EVC: variants seen among roughly 807,000 people sequenced by gnomAD.
EVC encodes the protein EvC ciliary complex subunit 1, also known as evC complex member EVC.
Under a neutral mutation model 118.9 loss-of-function variants are expected in EVC, and 116 were observed. The ratio of observed to expected loss-of-function variants is 0.98; its 90% CI spans 0.84 to 1.14. EVC has a LOEUF of 1.14. Among genes scored for constraint, EVC ranks in the 50% most tolerant of loss-of-function variants. The pLI is 0.00. For synonymous variants in EVC, 619 were observed against 534.7 expected, an observed-to-expected ratio of 1.16 and a Z score of -2.18; for missense variants, 1,401 against 1,246.4, an observed-to-expected ratio of 1.12 and a Z score of -1.87.
intron 9 of EVC, among the ~76,000 whole-genome samples, 164 bp downstream of exon 9, chr4:5,753,216 G>A (rs142477340): frequency 2.1e-3 from 318 of 152,312 alleles, no homozygotes; most frequent in African/African-American, 6.9e-3. Context: ...CTGCTCTCTG[G>A]GGCTCTCTTC....
intron 7 of EVC, among the ~76,000 whole-genome samples, chr4:5,747,045 T>C (rs1376661662): frequency 6.6e-6 from 1 of 151,724 alleles, no homozygotes; most frequent in Non-Finnish European, 1.5e-5. Context: ...AGCCTGAGGG[T>C]GTCAGGCAGG....
chr4:5,725,722 G>C (rs1289393835), intron 2 of EVC, among the ~76,000 whole-genome samples: 3 of 152,150 alleles, frequency 2.0e-5, no homozygotes, highest in East Asian at 1.9e-4. Context: ...TCTTTAATTA[G>C]ATCGCATTTG....
At chr4:5,713,676 C>CAA (rs35032068) in intron 1 of EVC, among the ~76,000 whole-genome samples, 9,764 of 70,832 alleles carry the variant, frequency 0.14, 856 homozygotes, top group African/African-American at 0.19. Flanking sequence ...GGCTCCGTCT[C>CAA]AAAAAAAAAA....
At chr4:5,794,701 A>G (rs995911106) in intron 13 of EVC, among the ~76,000 whole-genome samples, 38 of 152,242 alleles carry the variant, frequency 2.5e-4, no homozygotes, top group African/African-American at 8.7e-4. Flanking sequence ...GTGAGCCACC[A>G]TGCCCAGTCG....
At chr4:5,825,595 G>A in the EVC span, 1 of 1,602,738 alleles carries the variant, frequency 6.2e-7, no homozygotes, top group Non-Finnish European at 8.5e-7. The surrounding 1 kb of genome is among the most constrained non-coding windows in gnomAD (Gnocchi z 4.4). Context: ...ATATTTGGGT[G>A]TAGCTGGTAC....
At chr4:5,806,012 A>G (rs1005380775) in intron 17 of EVC, among the ~76,000 whole-genome samples, 2 of 148,360 alleles carry the variant, frequency 1.3e-5, no homozygotes, top group African/African-American at 5.0e-5. Flanking sequence ...TTTACCCATT[A>G]ATTTCTCATC....
chr4:5,760,105 G>A (rs1391193109), intron 11 of EVC, among the ~76,000 whole-genome samples: 1 of 152,104 alleles, frequency 6.6e-6, no homozygotes. Flanking sequence ...ATCTCAATGA[G>A]CAGAGAGATA....
Position 5,743,873 on chromosome 4 carries a change from T to C in EVC, c.802-1331T>C, listed in dbSNP as rs1316021368. On this transcript the variant is annotated intron_variant, in intron 6 of 20. Coordinates refer to ENST00000264956, the MANE Select transcript of EVC (RefSeq NM_153717.3). This position sits in a 1 kb window ranked among gnomAD's most constrained non-coding sequence, Gnocchi z 4.7. ...GAGACTCCATAAGTTCAAATGACTT[T>C]CCAATGGCAAAAATGATAATGATGA... Among the ~76,000 whole-genome samples the C allele has an allele frequency of 6.6e-6, 1 of 152,206 alleles. No homozygotes were observed. The highest frequency in any genetic ancestry group is 1.5e-5 in the Non-Finnish European group (1 of 68,024).
At chr4:5,797,646 T>C (rs1217462032) in intron 14 of EVC, among the ~76,000 whole-genome samples, 2 of 152,220 alleles carry the variant, frequency 1.3e-5, no homozygotes. Flanking sequence ...CACTATCCAC[T>C]TACTGACCTC....
In EVC at chr4:5,789,205, A is replaced by AT. The variant is rs1712294429; in HGVS notation, c.1777-4402dup. 6.6e-6 allele frequency among the ~76,000 whole-genome samples: 1 copy of AT among 152,070 alleles called. No individual in the cohort carries two copies. Among genetic ancestry groups the AT allele is most frequent in the South Asian group, 2.1e-4 (1 of 4,814 alleles). ...GTGTTGCTTCTCTGCAGAACCCCCA[A>AT]TGGCTTCTCATTTCACACAGCATGA... On this transcript the variant is annotated intron_variant, in intron 12 of 20. Transcript: ENST00000264956. This position sits in a 1 kb window ranked among gnomAD's most constrained non-coding sequence, Gnocchi z 4.3.
intron 11 of EVC, among the ~76,000 whole-genome samples, chr4:5,783,161 G>C (rs942985457): frequency 1.4e-4 from 21 of 152,136 alleles, no homozygotes; most frequent in Non-Finnish European, 2.5e-4. Flanking sequence ...ATGTGTGTAT[G>C]TGTGCACTTG....
rs1227291632 is a variant in EVC at position 5,748,735 on chromosome 4, T to TC, written c.1098+430dup. The stretch of plus-strand genomic sequence containing the variant: ...ATCCACCCACCCACCCATCCACCCA[T>TC]CAATCCACCCATCCATCCATTTACT... On this transcript the variant is annotated intron_variant, in intron 8 of 20. Transcript: ENST00000264956. Among the ~76,000 whole-genome samples, 16 of 58,768 alleles carry TC rather than the reference T, an allele frequency of 2.7e-4. 1 individual carries two copies. The highest frequency in any genetic ancestry group is 8.9e-4 in the Admixed American group (4 of 4,478). The allele number at this position is 58,768 out of a possible 152,430, so 38.6% of individuals were successfully genotyped here. A position where few individuals can be genotyped will look rare whatever the true frequency, so the allele number is the denominator to read the frequency against.
At chr4:5,778,868 G>T (rs1470017369) in intron 11 of EVC, among the ~76,000 whole-genome samples, 23 of 151,858 alleles carry the variant, frequency 1.5e-4, no homozygotes, top group African/African-American at 3.9e-4. Context: ...GTGAATTTTG[G>T]CTTTTGTTGC....
chr4:5,731,648 C>T lies in EVC; in HGVS notation c.608C>T (p.Ala203Val). The change falls in exon 4 of 21, where the codon GCC becomes GTC. Residue 203 changes from alanine (A) to valine (V), a missense_variant. Physicochemically the swap from Ala to Val is moderately conservative, Grantham distance 64. Transcript: ENST00000264956. The surrounding 1 kb of genome is among the most constrained non-coding windows in gnomAD (Gnocchi z 5.6). ...GTGAACGCCTTCCCTGAAGTGCTGGCCTGCGAGAGGTAAGGAGAGCGGGCA... is the reference window on the plus strand; with the variant it reads ...GTGAACGCCTTCCCTGAAGTGCTGGTCTGCGAGAGGTAAGGAGAGCGGGCA... ...LRVNAFPEVL[A>V]CESVDVDLCI... 6.2e-7 allele frequency: 1 copy of T among 1,613,970 alleles called. No individual in the cohort carries two copies. Among genetic ancestry groups the T allele is most frequent in the Non-Finnish European group, 8.5e-7 (1 of 1,179,936 alleles).
At chr4:5,801,744 C>CAT (rs1313381267) in intron 15 of EVC, 4 of 565,194 alleles carry the variant, frequency 7.1e-6, no homozygotes, top group Non-Finnish European at 1.3e-5. Context: ...ATTTCATTGG[C>CAT]TCTAGACATC....
At chr4:5,716,271 A>C (rs1309472436) in intron 1 of EVC, among the ~76,000 whole-genome samples, 1 of 152,256 alleles carries the variant, frequency 6.6e-6, no homozygotes, top group African/African-American at 2.4e-5. Flanking sequence ...AGTTACAGGC[A>C]AAATTGTAAA....
At chr4:5,725,035 G>A (rs1376155255) in intron 2 of EVC, among the ~76,000 whole-genome samples, 4 of 152,266 alleles carry the variant, frequency 2.6e-5, no homozygotes, top group Admixed American at 6.5e-5. Flanking sequence ...CTCCATCTAT[G>A]CCCCTGTAAA....
In EVC at chr4:5,754,123, G is replaced by T. The variant is rs962633742; in HGVS notation, c.1464+190G>T. Reference sequence around the variant, plus strand: ...CTAGGGTCCTAGTGGACTGTAAGCTGGTGATAAGAGTTGTGCTGCCCTCAC... The same window carrying T: ...CTAGGGTCCTAGTGGACTGTAAGCTTGTGATAAGAGTTGTGCTGCCCTCAC... On this transcript the variant is annotated intron_variant, in intron 10 of 20. Coordinates refer to ENST00000264956, the MANE Select transcript of EVC (RefSeq NM_153717.3). This position sits in a 1 kb window ranked among gnomAD's most constrained non-coding sequence, Gnocchi z 5.8. 6.6e-6 allele frequency among the ~76,000 whole-genome samples: 1 copy of T among 152,216 alleles called. No homozygotes were observed. The highest frequency in any genetic ancestry group is 2.4e-5 in the African/African-American group (1 of 41,460).
chr4:5,827,125 T>A, the EVC span, among the ~76,000 whole-genome samples: 1 of 152,182 alleles, frequency 6.6e-6, no homozygotes, highest in Non-Finnish European at 1.5e-5. Flanking sequence ...GACCCCCCGA[T>A]CCTATTGCTC....
Sources: allele counts gnomAD v4.1 joint callset (sites outside exome capture counted in the v4.1 genomes callset), GRCh38; gene constraint gnomAD v4.1.1; non-coding constraint Gnocchi (gnomAD v3.1); transcripts MANE v1.5; gene names NCBI Gene and HGNC (gene_info 2026-07-23, HGNC 2026-07-21).